The following USP10 variants were observed in gnomAD, a reference collection of about 807,000 sequenced individuals.
The protein encoded by USP10 is ubiquitin carboxyl-terminal hydrolase 10.
A neutral mutation model predicts 84.5 loss-of-function variants in USP10; 22 were observed. The ratio of observed to expected loss-of-function variants is 0.26; its 90% CI spans 0.19 to 0.37. The LOEUF is 0.37. USP10 is among the 10% of genes least tolerant of loss of function. USP10 has a pLI of 1.00. For missense variants in USP10, 1,019 were observed against 998.9 expected (o/e 1.02, Z -0.27); for synonymous variants, 454 against 387.6 (o/e 1.17, Z -2.01).
intron 1 of USP10, chr16:84,733,031 C>A (rs1909442829): frequency 2.2e-6 from 1 of 446,424 alleles, no homozygotes; most frequent in Non-Finnish European, 4.4e-6. Flanking sequence ...CCATTTGAAC[C>A]ACGTTTTCTG....
At chr16:84,757,396 G>GT (rs11373011) in intron 4 of USP10, among the ~76,000 whole-genome samples, 9,245 of 126,754 alleles carry the variant, frequency 0.073, 326 homozygotes, top group Admixed American at 0.11. Flanking sequence ...GAATGAGAGG[G>GT]GTGGGGGTGT....
Position 84,748,731 on chromosome 16 carries a change from C to G in USP10, c.1192+3058C>G, listed in dbSNP as rs767873085. Among the ~76,000 whole-genome samples, 10 of 152,158 alleles carry G rather than the reference C, an allele frequency of 6.6e-5. No homozygotes were observed. In the South Asian group the frequency reaches 1.4e-3, roughly 22 times the overall value. On this transcript the variant is annotated intron_variant, in intron 4 of 13. Transcript: ENST00000219473. The stretch of plus-strand genomic sequence containing the variant: ...ATTTAAAATGTTTTAGAACATTCTA[C>G]TTAGTCATATGACTTTAAATATAGT...
intron 10 of USP10, among the ~76,000 whole-genome samples, chr16:84,765,010 G>A (rs1913691197): frequency 1.3e-5 from 2 of 150,394 alleles, no homozygotes. Context: ...GGGAGGCAGA[G>A]GTTGCAGTGA....
intron 1 of USP10, among the ~76,000 whole-genome samples, chr16:84,710,434 A>G (rs1418601786): frequency 2.0e-5 from 3 of 152,136 alleles, no homozygotes; most frequent in African/African-American, 4.8e-5. Context: ...TTGAGGGGAA[A>G]GAAGTAGGGC....
intron 11 of USP10, 88 bp downstream of exon 11, chr16:84,768,446 T>A: frequency 7.7e-7 from 1 of 1,299,204 alleles, no homozygotes; most frequent in Non-Finnish European, 1.0e-6. Context: ...GGGAAATGGG[T>A]TTGAGTTATG....
intron 1 of USP10, among the ~76,000 whole-genome samples, chr16:84,730,021 G>T (rs971377716): frequency 1.3e-5 from 2 of 152,132 alleles, no homozygotes. Context: ...GGTGATTTCT[G>T]TTGTGTTTAC....
chr16:84,708,891 A>G (rs1443652003), intron 1 of USP10: 1 of 152,216 alleles, frequency 6.6e-6, no homozygotes, highest in Non-Finnish European at 1.5e-5. Context: ...GCCGGACGTT[A>G]GGAGTATAGA....
In USP10 at chr16:84,752,969, A is replaced by AT. The variant is rs769707174; in HGVS notation, c.1193-5737dup. ...ATGGAGCTTTATTTTTTAAAAACGT[A>AT]TTTTTTTTTTCTTAAGAAACAGGGT... On this transcript the variant is annotated intron_variant, in intron 4 of 13. Transcript: ENST00000219473. 5.3e-3 allele frequency among the ~76,000 whole-genome samples: 791 copies of AT among 149,640 alleles called. 1 individual carries two copies. The highest frequency in any genetic ancestry group is 8.8e-3 in the Non-Finnish European group (594 of 67,190).
chr16:84,754,808 A>G (rs1169551362), intron 4 of USP10, among the ~76,000 whole-genome samples: 3 of 152,184 alleles, frequency 2.0e-5, no homozygotes, highest in Non-Finnish European at 4.4e-5. Context: ...TCAAGCCTCC[A>G]GGCCATGCAG....
At chr16:84,764,402 T>C in intron 10 of USP10, 139 bp downstream of exon 10, 1 of 1,154,498 alleles carries the variant, frequency 8.7e-7, no homozygotes, top group East Asian at 2.4e-5. Flanking sequence ...TGCTCTTCTC[T>C]TGCACTTCCT....
intron 1 of USP10, among the ~76,000 whole-genome samples, chr16:84,730,563 A>T (rs1157362700): frequency 1.3e-5 from 2 of 152,250 alleles, no homozygotes; most frequent in Non-Finnish European, 1.5e-5. Context: ...GTTCCAGCTC[A>T]TGACTTGAGG....
At chr16:84,723,784 G>T (rs1908111719) in intron 1 of USP10, among the ~76,000 whole-genome samples, 1 of 152,178 alleles carries the variant, frequency 6.6e-6, no homozygotes, top group Non-Finnish European at 1.5e-5. Context: ...ATATTTCCAT[G>T]AATTTTAACA....
intron 4 of USP10, among the ~76,000 whole-genome samples, chr16:84,746,413 C>T (rs147092094): frequency 1.2e-4 from 18 of 152,324 alleles, no homozygotes; most frequent in Admixed American, 1.2e-3. Flanking sequence ...GAGAGTACTA[C>T]ACAAATACAG....
intron 1 of USP10, among the ~76,000 whole-genome samples, chr16:84,708,687 C>G (rs1008411585): frequency 6.6e-6 from 1 of 152,240 alleles, no homozygotes; most frequent in Non-Finnish European, 1.5e-5. Flanking sequence ...AAACAAAACA[C>G]TTCCCAACTC....
In USP10 at chr16:84,760,625, C is replaced by T. The variant is rs144782490; in HGVS notation, c.1554+350C>T. ...TATGCCACTGGGGTAGAATGGAGTG[C>T]ACTGGGCCTGGAATGATGGCAGTAT... On this transcript the variant is annotated intron_variant, in intron 8 of 13. Transcript: ENST00000219473. Among the ~76,000 whole-genome samples the T allele has an allele frequency of 3.8e-3, 573 of 152,304 alleles. 3 individuals are homozygous for T. The highest frequency in any genetic ancestry group is 6.3e-3 in the Non-Finnish European group (428 of 68,032).
chr16:84,766,447 T>C (rs113519113), intron 10 of USP10, among the ~76,000 whole-genome samples: 28 of 152,292 alleles, frequency 1.8e-4, no homozygotes, highest in African/African-American at 6.7e-4. Flanking sequence ...AGGTCCAGGT[T>C]GGCGCGCAGC....
chr16:84,764,305 G>C, intron 10 of USP10, 42 bp downstream of exon 10: 1 of 1,613,184 alleles, frequency 6.2e-7, no homozygotes, highest in Middle Eastern at 1.6e-4. Context: ...GCCTTTTCTA[G>C]GGTTTTGCCA....
chr16:84,759,631 A>G (rs1475044418), intron 6 of USP10, among the ~76,000 whole-genome samples, 159 bp downstream of exon 6: 2 of 152,184 alleles, frequency 1.3e-5, no homozygotes, highest in Non-Finnish European at 2.9e-5. Context: ...ATGGAAGTTA[A>G]CCAGAAATGG....
chr16:84,765,407 C>T (rs7185686), intron 10 of USP10, among the ~76,000 whole-genome samples: 34,854 of 151,384 alleles, frequency 0.23, 4,640 homozygotes, highest in East Asian at 0.36. Flanking sequence ...TGGTGTCCTT[C>T]GACCGACATC....
Sources: allele counts gnomAD v4.1 joint callset (sites outside exome capture counted in the v4.1 genomes callset), GRCh38; gene constraint gnomAD v4.1.1; transcripts MANE v1.5; gene names NCBI Gene and HGNC (gene_info 2026-07-23, HGNC 2026-07-21).